Variants in UAP1 observed in about 807,000 individuals in gnomAD.
The protein encoded by UAP1 is UDP-N-acetylhexosamine pyrophosphorylase.
A neutral mutation model predicts 58.5 loss-of-function variants in UAP1; 25 were observed. That is an observed-to-expected ratio of 0.43 (90% CI 0.31 to 0.60). UAP1 has a LOEUF of 0.60. UAP1 is among the 20% of genes least tolerant of loss of function. UAP1 has a pLI of 0.11. For synonymous variants in UAP1, 208 were observed against 213.0 expected (o/e 0.98, Z 0.21); for missense variants, 575 against 630.0 (o/e 0.91, Z 0.93).
exon 11 of UAP1, chr1:162,599,273 A>T: frequency 6.2e-7 from 1 of 1,607,024 alleles, no homozygotes; most frequent in Non-Finnish European, 8.5e-7. Context: ...CTTTTTAGGG[A>T]TTAGAAAGTT....
chr1:162,588,313 A>G (rs974323789), intron 6 of UAP1, among the ~76,000 whole-genome samples: 1 of 152,202 alleles, frequency 6.6e-6, no homozygotes, highest in African/African-American at 2.4e-5. Flanking sequence ...GTTAATATGC[A>G]TTACTTTAGA....
intron 2 of UAP1, among the ~76,000 whole-genome samples, chr1:162,569,426 C>T (rs1292011811): frequency 6.6e-6 from 1 of 152,142 alleles, no homozygotes; most frequent in Non-Finnish European, 1.5e-5. Context: ...GAAGAGAGAT[C>T]TTGCTTTATT....
chr1:162,572,636 C>T (rs970927656), intron 2 of UAP1, among the ~76,000 whole-genome samples: 5 of 152,104 alleles, frequency 3.3e-5, no homozygotes, highest in African/African-American at 7.2e-5. Context: ...ATCTCTGTGT[C>T]CAAAATGTAG....
At chr1:162,571,711 T>G (rs111646194) in intron 2 of UAP1, among the ~76,000 whole-genome samples, 10 of 152,358 alleles carry the variant, frequency 6.6e-5, no homozygotes, top group African/African-American at 2.4e-4. Context: ...CCAAAAAGCT[T>G]ATTGAATTTT....
intron 5 of UAP1, among the ~76,000 whole-genome samples, chr1:162,581,664 G>A (rs529849324): frequency 6.6e-6 from 1 of 152,130 alleles, no homozygotes; most frequent in South Asian, 2.1e-4. Flanking sequence ...ACTTATCACA[G>A]GTAAGAGTTT....
At chr1:162,572,246 A>G (rs1422063793) in intron 2 of UAP1, among the ~76,000 whole-genome samples, 2 of 152,360 alleles carry the variant, frequency 1.3e-5, no homozygotes, top group East Asian at 3.9e-4. Flanking sequence ...TTATCTGAAT[A>G]AAGAATGAGG....
rs7521818 is a variant in UAP1, at chr1:162,569,488, G to A, written c.280+3140G>A. ...AAAATGGAATGTAAAGGAGCAACTA[G>A]AAAATCTTTATTTTACAAAGCTGAG... On this transcript the variant is annotated intron_variant, in intron 2 of 10. Transcript: ENST00000271469. Among the ~76,000 whole-genome samples, 1,401 of 152,278 alleles carry A rather than the reference G, an allele frequency of 9.2e-3. 26 individuals carry two copies. The highest frequency in any genetic ancestry group is 0.031 in the African/African-American group (1,309 of 41,558).
intron 7 of UAP1, among the ~76,000 whole-genome samples, chr1:162,589,553 C>T (rs1170479351): frequency 6.6e-6 from 1 of 151,816 alleles, no homozygotes; most frequent in Non-Finnish European, 1.5e-5. Flanking sequence ...TATCTTCTTA[C>T]TGCCCTGTGA....
chr1:162,593,828 A>C (rs1286692028), intron 9 of UAP1: 1 of 152,110 alleles, frequency 6.6e-6, no homozygotes, highest in Non-Finnish European at 1.5e-5. Context: ...TGGAGATGGA[A>C]GTTATCTCAG....
At position 162,596,193 on chromosome 1, in the gene UAP1, C is replaced by T. The variant is rs186047689; in HGVS notation, c.1410-1599C>T. Among the ~76,000 whole-genome samples, 622 of 150,672 alleles carry T rather than the reference C, an allele frequency of 4.1e-3. 2 individuals are homozygous for T. The highest frequency in any genetic ancestry group is 0.015 in the African/African-American group (598 of 40,964). ...ATTAATTAATGTATTTATTTATTTT[C>T]GAGACAGAGTCTCGCTCTGTCACCC... is the stretch of plus-strand genomic sequence containing the variant. On this transcript the variant is annotated intron_variant, in intron 9 of 10. Coordinates refer to ENST00000271469, the Ensembl canonical transcript of UAP1.
At chr1:162,581,156 A>C in intron 4 of UAP1, 131 bp from the exon 5 acceptor site, 1 of 956,110 alleles carries the variant, frequency 1.0e-6, no homozygotes, top group South Asian at 1.9e-5. Context: ...TTCCTTATGG[A>C]TATTCAGTTT....
chr1:162,576,524 C>T (rs1264879931), intron 2 of UAP1, among the ~76,000 whole-genome samples: 1 of 152,098 alleles, frequency 6.6e-6, no homozygotes, highest in Admixed American at 6.5e-5. Flanking sequence ...ATTCTGTATT[C>T]TCTGTGCCTT....
chr1:162,577,297 C>A, intron 3 of UAP1, among the ~76,000 whole-genome samples: 1 of 152,004 alleles, frequency 6.6e-6, no homozygotes, highest in East Asian at 1.9e-4. Context: ...CACACCCATG[C>A]GCCTCTTCCG....
At chr1:162,598,187 TGA>T (rs1557983262) in intron 10 of UAP1, among the ~76,000 whole-genome samples, 2 of 151,842 alleles carry the variant, frequency 1.3e-5, no homozygotes, top group African/African-American at 4.8e-5. Context: ...GGCAATATAG[TGA>T]GACCTGTCTT....
chr1:162,566,722 G>A (rs1474756696), intron 2 of UAP1, among the ~76,000 whole-genome samples: 1 of 152,026 alleles, frequency 6.6e-6, no homozygotes, highest in East Asian at 1.9e-4. Flanking sequence ...CACCTCCTGG[G>A]CTCAAGTGAT....
At chr1:162,568,966 G>C (rs1043292149) in intron 2 of UAP1, among the ~76,000 whole-genome samples, 1 of 152,162 alleles carries the variant, frequency 6.6e-6, no homozygotes, top group African/African-American at 2.4e-5. Context: ...CTAAAATCCG[G>C]AACTATTAGA....
chr1:162,600,352 T>A (rs1033134993), downstream of UAP1, among the ~76,000 whole-genome samples: 2 of 152,130 alleles, frequency 1.3e-5, no homozygotes, highest in Non-Finnish European at 1.5e-5. Context: ...TGTTGTTATT[T>A]TAGAGGATTA....
intron 2 of UAP1, among the ~76,000 whole-genome samples, chr1:162,569,903 A>G (rs188847548): frequency 9.8e-5 from 15 of 152,314 alleles, no homozygotes; most frequent in Middle Eastern, 3.4e-3. Context: ...TAATCCCAGC[A>G]CTTTGGGAGG....
intron 3 of UAP1, among the ~76,000 whole-genome samples, chr1:162,577,987 T>C (rs986092544): frequency 4.0e-5 from 6 of 151,888 alleles, no homozygotes; most frequent in Non-Finnish European, 8.8e-5. Flanking sequence ...CCCCTCGACC[T>C]CCCAAAATGC....
Sources: gnomAD v4.1 joint callset for allele counts (sites outside exome capture counted in the v4.1 genomes callset) on GRCh38, gnomAD v4.1.1 for gene constraint, MANE v1.5 for transcripts, NCBI Gene and HGNC (gene_info 2026-07-23, HGNC 2026-07-21) for gene names.